DLGAP2: variants seen among roughly 807,000 people sequenced by gnomAD.
The protein encoded by DLGAP2 is DLG associated protein 2.
In DLGAP2, 26 loss-of-function variants were observed where a neutral mutation model predicts 100.3. The ratio of observed to expected loss-of-function variants is 0.26; its 90% CI spans 0.19 to 0.36. DLGAP2 has a LOEUF of 0.36. DLGAP2 is among the 10% of genes least tolerant of loss of function. The probability of loss-of-function intolerance (pLI) is 1.00; values close to 1 mark genes in which losing one functional copy is unlikely to be tolerated. For missense variants in DLGAP2, 1,858 were observed against 1,453.2 expected, an observed-to-expected ratio of 1.28 and a Z score of -4.53; for synonymous variants, 886 against 630.1, an observed-to-expected ratio of 1.41 and a Z score of -6.08.
At chr8:783,390 G>C (rs1404502984) in intron 1 of DLGAP2, among the ~76,000 whole-genome samples, 1 of 152,108 alleles carries the variant, frequency 6.6e-6, no homozygotes, top group Non-Finnish European at 1.5e-5. Flanking sequence ...AGGTTTAAAG[G>C]AATCTCATGA....
intron 1 of DLGAP2, among the ~76,000 whole-genome samples, chr8:807,918 G>A (rs917964678): frequency 2.0e-5 from 3 of 152,212 alleles, no homozygotes; most frequent in Non-Finnish European, 4.4e-5. Context: ...AAGGTTGGCG[G>A]GGAGCTAAGA....
At chr8:989,584 C>A (rs1800595120) in intron 2 of DLGAP2, among the ~76,000 whole-genome samples, 1 of 152,036 alleles carries the variant, frequency 6.6e-6, no homozygotes, top group Non-Finnish European at 1.5e-5. Flanking sequence ...CTCTTCCTGC[C>A]CTGGGGTCAG....
At chr8:760,190 G>T (rs1302182324) in intron 1 of DLGAP2, among the ~76,000 whole-genome samples, 1 of 151,992 alleles carries the variant, frequency 6.6e-6, no homozygotes, top group African/African-American at 2.4e-5. Flanking sequence ...CCTCTGAAAG[G>T]CATTCCAGAG....
chr8:1,329,258 T>C (rs970056330), intron 3 of DLGAP2, among the ~76,000 whole-genome samples: 1 of 152,192 alleles, frequency 6.6e-6, no homozygotes, highest in African/African-American at 2.4e-5. Flanking sequence ...TGAAATTGTT[T>C]CATGGAATGA....
rs1024838071 is a variant in DLGAP2, at chr8:1,290,880, A to G, written c.106+31997A>G. ...GCTATTGTGGAAAAATAGACATAAC[A>G]TGAAATTTACTACTGAACTATTTTT... On this transcript the variant is annotated intron_variant, in intron 3 of 14. Transcript: ENST00000637795. 5.3e-5 allele frequency among the ~76,000 whole-genome samples: 8 copies of G among 152,318 alleles called. 1 individual carries two copies. The East Asian group carries it at 7.7e-4, about 15-fold the overall frequency.
intron 1 of DLGAP2, among the ~76,000 whole-genome samples, chr8:799,392 C>T (rs989197076): frequency 1.3e-5 from 2 of 152,084 alleles, no homozygotes; most frequent in African/African-American, 4.8e-5. Flanking sequence ...TCCTGGGTGC[C>T]TGGGTGGGAG....
chr8:1,505,470 C>T (rs1483533107), intron 4 of DLGAP2, among the ~76,000 whole-genome samples: 1 of 152,102 alleles, frequency 6.6e-6, no homozygotes, highest in South Asian at 2.1e-4. Context: ...ACCATTAGTG[C>T]CAGATGAATT....
intron 2 of DLGAP2, among the ~76,000 whole-genome samples, chr8:1,252,212 C>A (rs1183576602): frequency 6.6e-6 from 1 of 150,636 alleles, no homozygotes; most frequent in Admixed American, 6.6e-5. Flanking sequence ...ACACTTGTCA[C>A]ACTGTGGTGT....
intron 12 of DLGAP2, among the ~76,000 whole-genome samples, chr8:1,680,111 A>G (rs1798909999): frequency 6.6e-6 from 1 of 152,150 alleles, no homozygotes; most frequent in African/African-American, 2.4e-5. Context: ...AATACCTACA[A>G]CTAATGCTTA....
chr8:1,379,091 T>C (rs909853772), intron 3 of DLGAP2, among the ~76,000 whole-genome samples: 7 of 152,276 alleles, frequency 4.6e-5, no homozygotes, highest in Admixed American at 2.0e-4. Context: ...CTTCTATGGC[T>C]ACAAGACCAG....
In DLGAP2 at chr8:819,275, A is replaced by G. The variant is rs556111068; in HGVS notation, c.18+81450A>G. ...GATAAGGATATTTAAAAAACCCCTC[A>G]TGACTATATCAATAGATATCGTAGG... is the stretch of plus-strand genomic sequence containing the variant. On this transcript the variant is annotated intron_variant, in intron 1 of 14. Transcript: ENST00000637795. Among the ~76,000 whole-genome samples, 20 of 152,364 alleles carry G rather than the reference A, an allele frequency of 1.3e-4. No homozygotes were observed. In the South Asian group the frequency reaches 3.7e-3, roughly 28 times the overall value.
intron 3 of DLGAP2, among the ~76,000 whole-genome samples, chr8:1,308,751 C>G (rs10283179): frequency 1.4e-3 from 220 of 152,276 alleles, no homozygotes; most frequent in Non-Finnish European, 2.3e-3. Context: ...TCTTGAACTC[C>G]CGACCTCGGA....
At chr8:1,512,444 G>A (rs1015977548) in intron 4 of DLGAP2, among the ~76,000 whole-genome samples, 2 of 152,154 alleles carry the variant, frequency 1.3e-5, no homozygotes, top group African/African-American at 4.8e-5. Context: ...TCAGCCGTGG[G>A]TGTGGCAGTT....
intron 2 of DLGAP2, among the ~76,000 whole-genome samples, chr8:1,044,479 A>C (rs1450957382): frequency 6.6e-6 from 1 of 152,200 alleles, no homozygotes; most frequent in Non-Finnish European, 1.5e-5. Context: ...ACCTGGCTTA[A>C]ACGCAGTCCT....
chr8:1,053,216 G>A (rs1251386548), intron 2 of DLGAP2, among the ~76,000 whole-genome samples: 1 of 152,154 alleles, frequency 6.6e-6, no homozygotes, highest in African/African-American at 2.4e-5. Flanking sequence ...ATCAGATTCG[G>A]AACCTTCTCT....
At position 1,258,805 on chromosome 8, in the gene DLGAP2, T is replaced by C. The variant is rs899256211; in HGVS notation, c.74-46T>C. On this transcript the variant is annotated intron_variant, in intron 2 of 14. Transcript: ENST00000637795. Reference sequence around the variant, plus strand: ...ATGTTGAATCTTTTTAACTGCATGGTTGAGACCCTGTGGGTGTAACAGCTT... The same window carrying C: ...ATGTTGAATCTTTTTAACTGCATGGCTGAGACCCTGTGGGTGTAACAGCTT... 6.1e-5 allele frequency: 75 copies of C among 1,230,276 alleles called. No individual in the cohort carries two copies. The African/African-American group carries it at 1.1e-3, about 18-fold the overall frequency. 76.2% of individuals were successfully genotyped at this position (1,230,276 alleles called of 1,614,324 possible).
chr8:1,001,689 C>T (rs1237047433), intron 2 of DLGAP2, among the ~76,000 whole-genome samples: 1 of 152,130 alleles, frequency 6.6e-6, no homozygotes, highest in African/African-American at 2.4e-5. Flanking sequence ...TTGCCAAGTC[C>T]CATGAGTCTG....
At chr8:744,706 G>C (rs775585509) in intron 1 of DLGAP2, among the ~76,000 whole-genome samples, 2 of 151,874 alleles carry the variant, frequency 1.3e-5, no homozygotes, top group Non-Finnish European at 2.9e-5. Context: ...CGGGGTGCTG[G>C]CTGTCTGCTT....
chr8:1,306,631 A>G (rs776855258), intron 3 of DLGAP2, among the ~76,000 whole-genome samples: 11 of 151,068 alleles, frequency 7.3e-5, no homozygotes, highest in Non-Finnish European at 1.5e-4. Context: ...ACACTTCCTG[A>G]TTTCAAAACT....
Sources: allele counts gnomAD v4.1 joint callset (sites outside exome capture counted in the v4.1 genomes callset), GRCh38; gene constraint gnomAD v4.1.1; transcripts MANE v1.5; gene names NCBI Gene and HGNC (gene_info 2026-07-23, HGNC 2026-07-21).